The following PCDHA7 variants were observed in gnomAD, a reference collection of about 807,000 sequenced individuals.
The protein encoded by PCDHA7 is protocadherin alpha 7.
A neutral mutation model predicts 57.2 loss-of-function variants in PCDHA7; 37 were observed. That is an observed-to-expected ratio of 0.65 (90% CI 0.50 to 0.85). PCDHA7 has a LOEUF of 0.85. PCDHA7 is among the 40% of genes least tolerant of loss of function. The pLI is 0.00. For synonymous variants in PCDHA7, 553 were observed against 558.8 expected (o/e 0.99, Z 0.15); for missense variants, 1,188 against 1,241.8 (o/e 0.96, Z 0.65).
rs1328741778 is a variant in PCDHA7, at chr5:140,850,113, G to T, written c.2355+13375G>T. On this transcript the variant is annotated intron_variant, in intron 1 of 3. Transcript: ENST00000525929. ...ACAGTTCCAGGTGAGCGCGCGCGAC[G>T]CGGGCGTGCCGCCTCTGGGCAGCAA... 18 of 1,595,940 alleles carry T rather than the reference G, an allele frequency of 1.1e-5. 2 individuals are homozygous for T. Among genetic ancestry groups the T allele is most frequent in the Non-Finnish European group, 1.5e-5 (18 of 1,167,848 alleles).
At chr5:140,852,583 T>C in intron 1 of PCDHA7, 2 of 394,934 alleles carry the variant, frequency 5.1e-6, no homozygotes, top group Non-Finnish European at 6.7e-6. Context: ...GGCTTTTTTA[T>C]TTTTTTTTTT....
chr5:140,948,602 A>G (rs537329393), intron 1 of PCDHA7, among the ~76,000 whole-genome samples: 2 of 151,590 alleles, frequency 1.3e-5, no homozygotes, highest in Non-Finnish European at 3.0e-5. Context: ...AATTTATCAT[A>G]TTTTTGGCAC....
chr5:140,960,308 C>A (rs1387326739), intron 1 of PCDHA7, among the ~76,000 whole-genome samples: 1 of 152,122 alleles, frequency 6.6e-6, no homozygotes, highest in African/African-American at 2.4e-5. Flanking sequence ...CAATACCAAC[C>A]TCATTAGGGT....
intron 1 of PCDHA7, chr5:140,848,346 C>A: frequency 1.1e-6 from 1 of 925,186 alleles, no homozygotes; most frequent in East Asian, 2.4e-5. Context: ...ACAAATACAG[C>A]CCTTTTCCCA....
At position 140,884,772 on chromosome 5, in the gene PCDHA7, T is replaced by G. The variant is rs563372954; in HGVS notation, c.2355+48034T>G. 1.9e-5 allele frequency: 27 copies of G among 1,409,818 alleles called. No homozygotes were observed. In the African/African-American group the frequency reaches 3.6e-4, roughly 19 times the overall value. The allele number at this position is 1,409,818 out of a possible 1,614,324, so 87.3% of individuals were successfully genotyped here. On this transcript the variant is annotated intron_variant, in intron 1 of 3. Transcript: ENST00000525929. Reference sequence around the variant, plus strand: ...TTCAAATTATTCTTTACTTTAATTTTAATTTTGCTAGTTGTTATCGAATTT... The same window carrying G: ...TTCAAATTATTCTTTACTTTAATTTGAATTTTGCTAGTTGTTATCGAATTT...
chr5:140,869,506 C>G (rs782699561), intron 1 of PCDHA7: 20 of 1,614,178 alleles, frequency 1.2e-5, no homozygotes, highest in Admixed American at 6.7e-5. Context: ...GGTGTTCTCG[C>G]TCAGAGAACA....
chr5:140,968,029 G>C (rs1554230214), intron 1 of PCDHA7: 4 of 1,614,170 alleles, frequency 2.5e-6, no homozygotes, highest in South Asian at 2.2e-5. Context: ...CCTATACACT[G>C]GTGGTGAGCG....
intron 1 of PCDHA7, among the ~76,000 whole-genome samples, chr5:140,975,386 G>A (rs2096665314): frequency 6.6e-6 from 1 of 152,252 alleles, no homozygotes; most frequent in Admixed American, 6.5e-5. Flanking sequence ...ATGGGAATAA[G>A]ATCCATCACA....
intron 1 of PCDHA7, among the ~76,000 whole-genome samples, chr5:140,947,597 G>A (rs1231530518): frequency 1.3e-5 from 2 of 151,586 alleles, no homozygotes; most frequent in African/African-American, 4.8e-5. Context: ...TCAATTTAGG[G>A]AAGATTTGGT....
rs142150910 is a variant in PCDHA7, at chr5:140,945,405, C to T, written c.2356-33544C>T. ...AGCAATATACAAATTCAATACAATTCGTATCAAAATTTCAATGAAGTTTTT... is the reference window on the plus strand; with the variant it reads ...AGCAATATACAAATTCAATACAATTTGTATCAAAATTTCAATGAAGTTTTT... On this transcript the variant is annotated intron_variant, in intron 1 of 3. Transcript: ENST00000525929. Among the ~76,000 whole-genome samples, 454 of 152,016 alleles carry T rather than the reference C, an allele frequency of 3.0e-3. 3 individuals are homozygous for T. Among genetic ancestry groups the T allele is most frequent in the African/African-American group, 9.6e-3 (400 of 41,488 alleles).
At chr5:140,850,803 A>G in intron 1 of PCDHA7, 4 of 1,598,380 alleles carry the variant, frequency 2.5e-6, no homozygotes, top group Non-Finnish European at 3.4e-6. Context: ...GACCGACCTC[A>G]TGGCCTTCAG....
chr5:140,957,883 A>C (rs1413437105), intron 1 of PCDHA7, among the ~76,000 whole-genome samples: 1 of 152,098 alleles, frequency 6.6e-6, no homozygotes. Flanking sequence ...TGAAAAGCTG[A>C]AGTTGGCATC....
At chr5:140,930,778 T>G (rs891094443) in intron 1 of PCDHA7, among the ~76,000 whole-genome samples, 1 of 152,200 alleles carries the variant, frequency 6.6e-6, no homozygotes, top group African/African-American at 2.4e-5. Flanking sequence ...CTTAATATTT[T>G]CACAATATAA....
intron 1 of PCDHA7, among the ~76,000 whole-genome samples, chr5:140,943,736 A>G (rs913454195): frequency 3.3e-5 from 5 of 152,266 alleles, no homozygotes; most frequent in Non-Finnish European, 7.3e-5. Context: ...ATGAAAGTCC[A>G]CAGTCTAAAA....
chr5:140,835,581 A>G lies in PCDHA7; in HGVS notation c.1198A>G (p.Thr400Ala). ...TPRVPFKLVSTFKNYYSLVLD... is the reference protein window; with the variant it reads ...TPRVPFKLVSAFKNYYSLVLD... ...CCGCGTTCCCTTCAAGTTGGTGTCC[A>G]CCTTCAAGAATTACTATTCATTGGT... Residue 400 changes from threonine to alanine, a missense_variant, in exon 1 of 4, where the codon ACC (threonine) becomes GCC (alanine). By Grantham distance (58) the Thr-to-Ala change is moderately conservative. Transcript: ENST00000525929. 6.2e-7 allele frequency: 1 copy of G among 1,613,870 alleles called. No individual in the cohort carries two copies. Among genetic ancestry groups the G allele is most frequent in the Non-Finnish European group, 8.5e-7 (1 of 1,179,874 alleles).
chr5:141,005,417 T>G (rs1323051159), intron 3 of PCDHA7, among the ~76,000 whole-genome samples: 2 of 152,062 alleles, frequency 1.3e-5, no homozygotes, highest in African/African-American at 4.8e-5. Context: ...TGAGGAGTCA[T>G]GCTAAGAATG....
intron 1 of PCDHA7, among the ~76,000 whole-genome samples, chr5:140,838,112 GT>G (rs1775545429): frequency 6.7e-6 from 1 of 149,312 alleles, no homozygotes; most frequent in Non-Finnish European, 1.5e-5. Context: ...GTGTGTGTGT[GT>G]GTGTGTGTGT....
At chr5:140,951,986 C>A (rs2094668313) in intron 1 of PCDHA7, among the ~76,000 whole-genome samples, 2 of 152,166 alleles carry the variant, frequency 1.3e-5, no homozygotes, top group African/African-American at 4.8e-5. Flanking sequence ...AAGGGAAAAA[C>A]CAGCCAAAAG....
At chr5:140,928,276 G>T in intron 1 of PCDHA7, 1 of 1,614,172 alleles carries the variant, frequency 6.2e-7, no homozygotes, top group Non-Finnish European at 8.5e-7. Context: ...TGGCCCTGGG[G>T]CCTCTCTAGG....
Sources: gnomAD v4.1 joint callset for allele counts (sites outside exome capture counted in the v4.1 genomes callset) on GRCh38, gnomAD v4.1.1 for gene constraint, MANE v1.5 for transcripts, NCBI Gene and HGNC (gene_info 2026-07-23, HGNC 2026-07-21) for gene names.